The following NAIF1 variants were observed in gnomAD, a reference collection of about 807,000 sequenced individuals.
NAIF1 encodes nuclear apoptosis-inducing factor 1.
NAIF1 carries 14 observed loss-of-function variants against 20.7 expected under a neutral mutation model. The observed-to-expected ratio is 0.67, with a 90% CI of 0.45 to 1.05. The LOEUF (loss-of-function observed/expected upper bound fraction) is 1.05. Among genes scored for constraint, NAIF1 ranks in the 50% least tolerant of loss-of-function variants. The pLI is 0.00. For synonymous variants in NAIF1, 191 were observed against 191.4 expected (o/e 1.00, Z 0.02); for missense variants, 362 against 448.8 (o/e 0.81, Z 1.75).
chr9:128,067,276 G>C lies in NAIF1; in HGVS notation c.-175C>G. 2 of 742,624 alleles carry C rather than the reference G, an allele frequency of 2.7e-6. No homozygotes were observed. Among genetic ancestry groups the C allele is most frequent in the Non-Finnish European group, 2.1e-6 (1 of 486,682 alleles). 46.0% of individuals were successfully genotyped at this position (742,624 alleles called of 1,614,324 possible). ...CCCCCTCGCTACGCAAAGTGCGTAG[G>C]GCCCAGCCCCGACCGGCCCGGCCGC... On this transcript the variant is annotated 5_prime_UTR_variant, in exon 1 of 2. Coordinates refer to ENST00000373078, the MANE Select transcript of NAIF1 (RefSeq NM_197956.4).
intron 1 of NAIF1, among the ~76,000 whole-genome samples, chr9:128,064,249 C>G (rs929344790): frequency 2.0e-5 from 3 of 151,720 alleles, no homozygotes; most frequent in African/African-American, 7.2e-5. Context: ...CCACTGCGCC[C>G]GGCTAATTTT....
chr9:128,067,142 C>A lies in NAIF1; in HGVS notation c.-41G>T. 1 of 1,540,220 alleles carries A rather than the reference C, an allele frequency of 6.5e-7. No individual in the cohort carries two copies. Among genetic ancestry groups the A allele is most frequent in the Non-Finnish European group, 8.7e-7 (1 of 1,143,014 alleles). ...CTCTTTTTAAAGAAATTATAATCCC[C>A]TCAAGCGCCCCAATTCCCCTTCTCT... On this transcript the variant is annotated 5_prime_UTR_variant, in exon 1 of 2. In the 5' UTR this introduces an upstream ATG that the reference lacks. Transcript: ENST00000373078.
chr9:128,061,599 C>G lies in NAIF1; in HGVS notation c.*1829G>C, dbSNP rs1276749495. On this transcript the variant is annotated 3_prime_UTR_variant, in exon 2 of 2. Coordinates refer to ENST00000373078, the MANE Select transcript of NAIF1 (RefSeq NM_197956.4). ...GAGGCTGACAGTACAGCAGTCACCT[C>G]CCAGCTGTCTTCGGTGCATCTTCAG... 6.6e-6 allele frequency: 1 copy of G among 152,266 alleles called. No individual in the cohort carries two copies. The highest frequency in any genetic ancestry group is 1.5e-5 in the Non-Finnish European group (1 of 68,096). 9.4% of individuals were successfully genotyped at this position (152,266 alleles called of 1,614,324 possible). A position where few individuals can be genotyped will look rare whatever the true frequency, so the allele number is the denominator to read the frequency against.
rs1168575025 is a variant in NAIF1, at chr9:128,066,880, G to A, written c.222C>T (p.Asp74=). ...ELPEVKKKWS[D]LKTEVRRKVA... ...CCTTGCGACGGACCTCGGTCTTGAG[G>A]TCAGACCACTTCTTCTTGACCTCAG... Residue 74 remains aspartate (D), a synonymous_variant, in exon 1 of 2, where the codon GAC becomes GAT. Transcript: ENST00000373078. 3 of 1,612,960 alleles carry A rather than the reference G, an allele frequency of 1.9e-6. No homozygotes were observed. The highest frequency in any genetic ancestry group is 2.2e-5 in the East Asian group (1 of 44,886).
intron 1 of NAIF1, among the ~76,000 whole-genome samples, chr9:128,064,506 A>C (rs191564337): frequency 1.0e-3 from 152 of 152,340 alleles, no homozygotes; most frequent in Middle Eastern, 3.4e-3. Flanking sequence ...TGTACTCATT[A>C]GCTCAACAAA....
chr9:128,063,299 C>T lies in NAIF1; in HGVS notation c.*129G>A. On this transcript the variant is annotated 3_prime_UTR_variant, in exon 2 of 2. Coordinates refer to ENST00000373078, the MANE Select transcript of NAIF1 (RefSeq NM_197956.4). The surrounding 1 kb of genome is among the most constrained non-coding windows in gnomAD (Gnocchi z 4.3). ...TTCCTCTTCTCAAAAACAGTGCAAC[C>T]CCTAAGCGTTTATTAAAGAGGGAGC... 2.4e-6 allele frequency: 2 copies of T among 819,314 alleles called. No homozygotes were observed. The highest frequency in any genetic ancestry group is 1.7e-5 in the South Asian group (1 of 58,480). 50.8% of individuals were successfully genotyped at this position (819,314 alleles called of 1,614,324 possible).
chr9:128,066,679 G>A lies in NAIF1; in HGVS notation c.423C>T (p.Ile141=), dbSNP rs758716577. The change falls in exon 1 of 2, where the codon ATC becomes ATT. Residue 141 remains isoleucine (I), a synonymous_variant. Coordinates refer to ENST00000373078, the MANE Select transcript of NAIF1 (RefSeq NM_197956.4). The part of the protein sequence containing the change: ...RICNLLGEAT[I]ISLPSTTEIH... The stretch of plus-strand genomic sequence containing the variant: ...TCTCTGTGGTGCTGGGCAGGCTGAT[G>A]ATGGTGGCCTCGCCCAGCAGGTTGC... The A allele has an allele frequency of 6.2e-7, 1 of 1,606,346 alleles. No homozygotes were observed. Among genetic ancestry groups the A allele is most frequent in the Non-Finnish European group, 8.5e-7 (1 of 1,175,902 alleles).
chr9:128,063,251 T>G lies in NAIF1; in HGVS notation c.*177A>C. On this transcript the variant is annotated 3_prime_UTR_variant, in exon 2 of 2. Transcript: ENST00000373078. This position sits in a 1 kb window ranked among gnomAD's most constrained non-coding sequence, Gnocchi z 4.3. ...CAGCTCAAGTAGGGGGAGTATGAGT[T>G]TGGGTCCCAGGAGCCCAACAAATTC... 1 of 625,834 alleles carries G rather than the reference T, an allele frequency of 1.6e-6. No homozygotes were observed. The highest frequency in any genetic ancestry group is 1.8e-5 in the African/African-American group (1 of 54,458). The allele number at this position is 625,834 out of a possible 1,614,324, so 38.8% of individuals were successfully genotyped here. A position where few individuals can be genotyped will look rare whatever the true frequency, so the allele number is the denominator to read the frequency against.
Position 128,063,186 on chromosome 9 carries a change from C to T in NAIF1, c.*242G>A, listed in dbSNP as rs1215692472. ...CAACACATGTCCCATCACATGCACA[C>T]GTGACCCCCTGCTAACCAATCTTCT... is the stretch of plus-strand genomic sequence containing the variant. On this transcript the variant is annotated 3_prime_UTR_variant, in exon 2 of 2. Transcript: ENST00000373078. This position sits in a 1 kb window ranked among gnomAD's most constrained non-coding sequence, Gnocchi z 4.3. 7.2e-6 allele frequency: 4 copies of T among 553,082 alleles called. No individual in the cohort carries two copies. The highest frequency in any genetic ancestry group is 2.2e-5 in the South Asian group (1 of 46,230). The allele number at this position is 553,082 out of a possible 1,614,324, so 34.3% of individuals were successfully genotyped here.
In NAIF1 at chr9:128,062,000, G is replaced by GT. The variant is rs571887290; in HGVS notation, c.*1427dup. 199 of 148,742 alleles carry GT rather than the reference G, an allele frequency of 1.3e-3. No homozygotes were observed. Among genetic ancestry groups the GT allele is most frequent in the South Asian group, 0.011 (50 of 4,674 alleles). The allele number at this position is 148,742 out of a possible 1,614,324, so 9.2% of individuals were successfully genotyped here. ...CATTTGTTTTTTTGGTTTTTTCTTT[G>GT]TTTTTTTTTTGAGACAGAGTCTCGC... On this transcript the variant is annotated 3_prime_UTR_variant, in exon 2 of 2. Coordinates refer to ENST00000373078, the MANE Select transcript of NAIF1 (RefSeq NM_197956.4).
chr9:128,066,594 G>A lies in NAIF1; in HGVS notation c.508C>T (p.Gln170Ter). 6.6e-7 allele frequency: 1 copy of A among 1,519,648 alleles called. No individual in the cohort carries two copies. The highest frequency in any genetic ancestry group is 8.8e-7 in the Non-Finnish European group (1 of 1,132,862). 94.1% of individuals were successfully genotyped at this position (1,519,648 alleles called of 1,614,324 possible). A position where few individuals can be genotyped will look rare whatever the true frequency, so the allele number is the denominator to read the frequency against. The change falls in exon 1 of 2, where the codon CAG becomes TAG. Residue 170 changes from glutamine to a stop codon, truncating the protein, a stop_gained. Transcript: ENST00000373078. LOFTEE classifies it high-confidence loss of function. ...TAAAATVTLT[Q>*]IPTETTYHTL... ...CTGGGCAGGAGAGGTCACTCACTCT[G>A]TGTCAGGGTGACCGTGGCTGCGGCT...
intron 1 of NAIF1, among the ~76,000 whole-genome samples, chr9:128,065,161 G>A (rs1030971481): frequency 1.4e-5 from 2 of 145,356 alleles, no homozygotes; most frequent in East Asian, 4.1e-4. Context: ...CTGTTACCCA[G>A]GTTGGAGTTC....
rs200200680 is a variant in NAIF1 at position 128,063,543 on chromosome 9, C to T, written c.869G>A (p.Arg290Gln). Reference protein sequence around the residue: ...AALSVLIQVLRPMIKDFRRYL... With the variant: ...AALSVLIQVLQPMIKDFRRYL... ...GCGGCGGAAATCTTTGATCATAGGC[C>T]GGAGGACCTGGATGAGGACGCTCAG... Residue 290 changes from arginine (R) to glutamine (Q), a missense_variant, in exon 2 of 2, where the codon CGG becomes CAG. Coordinates refer to ENST00000373078, the MANE Select transcript of NAIF1 (RefSeq NM_197956.4). This position sits in a 1 kb window ranked among gnomAD's most constrained non-coding sequence, Gnocchi z 4.3. 20 of 1,610,846 alleles carry T rather than the reference C, an allele frequency of 1.2e-5. No homozygotes were observed. Among genetic ancestry groups the T allele is most frequent in the East Asian group, 2.2e-5 (1 of 44,886 alleles).
In NAIF1 at chr9:128,063,843, G is replaced by A. The variant is rs1251552071; in HGVS notation, c.569C>T (p.Ala190Val). 1 of 1,611,812 alleles carries A rather than the reference G, an allele frequency of 6.2e-7. No individual in the cohort carries two copies. The highest frequency in any genetic ancestry group is 8.5e-7 in the Non-Finnish European group (1 of 1,180,018). The change falls in exon 2 of 2, where the codon GCT becomes GTT. Residue 190 changes from alanine to valine, a missense_variant. Transcript: ENST00000373078. This position sits in a 1 kb window ranked among gnomAD's most constrained non-coding sequence, Gnocchi z 4.3. ...LEEGVVEYCT[A>V]EAPPPLPPET... ...TGGTGGCAGAGGTGGGGGCGCCTCA[G>A]CCGTGCAGTACTCCACCACGCCCTC...
rs1374575964 is a variant in NAIF1 at position 128,061,580 on chromosome 9, G to A, written c.*1848C>T. Reference sequence around the variant, plus strand: ...GCACGAATGCCTCCACAGAGAGGCTGACAGTACAGCAGTCACCTCCCAGCT... The same window carrying A: ...GCACGAATGCCTCCACAGAGAGGCTAACAGTACAGCAGTCACCTCCCAGCT... On this transcript the variant is annotated 3_prime_UTR_variant, in exon 2 of 2. Coordinates refer to ENST00000373078, the MANE Select transcript of NAIF1 (RefSeq NM_197956.4). The A allele has an allele frequency of 6.6e-6, 1 of 152,254 alleles. No individual in the cohort carries two copies. Among genetic ancestry groups the A allele is most frequent in the Non-Finnish European group, 1.5e-5 (1 of 68,078 alleles). 9.4% of individuals were successfully genotyped at this position (152,254 alleles called of 1,614,324 possible).
At chr9:128,064,963 T>TC (rs1236034966) in intron 1 of NAIF1, among the ~76,000 whole-genome samples, 1 of 133,380 alleles carries the variant, frequency 7.5e-6, no homozygotes, top group African/African-American at 2.5e-5. Context: ...AGAGCAAAAC[T>TC]CCATCTCATA....
chr9:128,064,297 C>T (rs1200538541), intron 1 of NAIF1, among the ~76,000 whole-genome samples: 7 of 151,604 alleles, frequency 4.6e-5, no homozygotes, highest in African/African-American at 7.3e-5. Context: ...ACCGTGGTCT[C>T]GATCTCCTGA....
In NAIF1 at chr9:128,062,083, C is replaced by G. The variant is rs539322959; in HGVS notation, c.*1345G>C. The G allele has an allele frequency of 6.6e-6, 1 of 152,386 alleles. No homozygotes were observed. The highest frequency in any genetic ancestry group is 2.4e-5 in the African/African-American group (1 of 41,544). 9.4% of individuals were successfully genotyped at this position (152,386 alleles called of 1,614,324 possible). On this transcript the variant is annotated 3_prime_UTR_variant, in exon 2 of 2. Coordinates refer to ENST00000373078, the MANE Select transcript of NAIF1 (RefSeq NM_197956.4). ...CTCGGCTCACTGCAATCTCCGCCTCCTGGGTTCAAGCGATTCTCCTGCCTC... is the reference window on the plus strand; with the variant it reads ...CTCGGCTCACTGCAATCTCCGCCTCGTGGGTTCAAGCGATTCTCCTGCCTC...
At position 128,063,540 on chromosome 9, in the gene NAIF1, G is replaced by A. The variant is rs1832742897; in HGVS notation, c.872C>T (p.Pro291Leu). The A allele has an allele frequency of 1.2e-6, 2 of 1,610,606 alleles. No individual in the cohort carries two copies. The highest frequency in any genetic ancestry group is 1.3e-5 in the African/African-American group (1 of 74,950). Residue 291 changes from proline (P) to leucine (L), a missense_variant, in exon 2 of 2, where the codon CCT becomes CTT. Pro to Leu is a moderately conservative substitution (Grantham distance 98). This residue lies in a region of NAIF1 where 300 missense variants were observed against 342.7 expected (regional missense o/e 0.88). Coordinates refer to ENST00000373078, the MANE Select transcript of NAIF1 (RefSeq NM_197956.4). The surrounding 1 kb of genome is among the most constrained non-coding windows in gnomAD (Gnocchi z 4.3). Reference sequence around the variant, plus strand: ...GTAGCGGCGGAAATCTTTGATCATAGGCCGGAGGACCTGGATGAGGACGCT... The same window carrying A: ...GTAGCGGCGGAAATCTTTGATCATAAGCCGGAGGACCTGGATGAGGACGCT... ...ALSVLIQVLR[P>L]MIKDFRRYLQ...
Sources: allele counts gnomAD v4.1 joint callset (sites outside exome capture counted in the v4.1 genomes callset), GRCh38; gene constraint gnomAD v4.1.1; regional missense constraint gnomAD v4.1.1; non-coding constraint Gnocchi (gnomAD v3.1); transcripts MANE v1.5; gene names NCBI Gene and HGNC (gene_info 2026-07-23, HGNC 2026-07-21).